The following NECAB1 variants were observed in gnomAD, a reference collection of about 807,000 sequenced individuals.
The protein encoded by NECAB1 is N-terminal EF-hand calcium binding protein 1, also known as N-terminal EF-hand calcium-binding protein 1.
A neutral mutation model predicts 57.5 loss-of-function variants in NECAB1; 29 were observed. That is an observed-to-expected ratio of 0.50 (90% CI 0.38 to 0.69). The LOEUF (loss-of-function observed/expected upper bound fraction) is 0.69, where lower values mean the gene tolerates loss of function less well. Among genes scored for constraint, NECAB1 ranks in the 30% least tolerant of loss-of-function variants. The pLI is 0.00. For synonymous variants in NECAB1, 142 were observed against 147.7 expected, an observed-to-expected ratio of 0.96 and a Z score of 0.28; for missense variants, 372 against 413.8, an observed-to-expected ratio of 0.90 and a Z score of 0.88.
At chr8:90,842,624 T>C (rs1812473449) in intron 3 of NECAB1, among the ~76,000 whole-genome samples, 1 of 152,224 alleles carries the variant, frequency 6.6e-6, no homozygotes, top group African/African-American at 2.4e-5. Flanking sequence ...TGGCCTGCCA[T>C]TGTGCACCAT....
At chr8:90,820,191 T>TGACTTCAGTTGTCCAATGAATCG in intron 2 of NECAB1, among the ~76,000 whole-genome samples, 1 of 152,086 alleles carries the variant, frequency 6.6e-6, no homozygotes, top group Non-Finnish European at 1.5e-5. Flanking sequence ...CAGTTTACCC[T>TGACTTCAGTTGTCCAATGAATCG]GACTTCAGTT....
At chr8:90,908,416 C>G (rs1455948206) in intron 5 of NECAB1, among the ~76,000 whole-genome samples, 1 of 152,004 alleles carries the variant, frequency 6.6e-6, no homozygotes, top group Non-Finnish European at 1.5e-5. Context: ...ACATTTGGTT[C>G]TACGTTACAC....
intron 9 of NECAB1, among the ~76,000 whole-genome samples, chr8:90,936,871 C>T (rs117746593): frequency 0.013 from 2,050 of 151,910 alleles, 18 homozygotes; most frequent in South Asian, 0.042. Flanking sequence ...TGGAAAGGAT[C>T]GTTATACACA....
At chr8:90,950,079 A>G (rs952961649) in intron 11 of NECAB1, among the ~76,000 whole-genome samples, 195 bp downstream of exon 11, 1 of 152,202 alleles carries the variant, frequency 6.6e-6, no homozygotes, top group Non-Finnish European at 1.5e-5. Context: ...CTCTTGAAGT[A>G]CAAATACTTT....
At chr8:90,853,120 G>A (rs534503361) in intron 3 of NECAB1, among the ~76,000 whole-genome samples, 2 of 152,242 alleles carry the variant, frequency 1.3e-5, no homozygotes, top group Non-Finnish European at 2.9e-5. Context: ...GCTTCTGCTG[G>A]TGCGCAAAGC....
At chr8:90,840,762 C>A (rs1407560619) in intron 3 of NECAB1, among the ~76,000 whole-genome samples, 1 of 152,074 alleles carries the variant, frequency 6.6e-6, no homozygotes, top group Non-Finnish European at 1.5e-5. Flanking sequence ...TCATTGCCGG[C>A]TCTTGGGTTC....
intron 4 of NECAB1, 147 bp from the exon 5 acceptor site, chr8:90,880,886 A>G (rs780372840): frequency 5.1e-6 from 3 of 587,112 alleles, no homozygotes; most frequent in African/African-American, 1.9e-5. Flanking sequence ...TTGTCACCTT[A>G]TTTAGTCTTA....
chr8:90,934,053 G>A (rs1810472852), intron 8 of NECAB1, among the ~76,000 whole-genome samples: 1 of 151,868 alleles, frequency 6.6e-6, no homozygotes, highest in Non-Finnish European at 1.5e-5. Flanking sequence ...GCTCTCTAAT[G>A]GCATTCAAGA....
chr8:90,949,198 CAGAG>C (rs1810876418), intron 10 of NECAB1, among the ~76,000 whole-genome samples: 2 of 67,106 alleles, frequency 3.0e-5, no homozygotes, highest in African/African-American at 1.2e-4. Flanking sequence ...GTGTGTGTGT[CAGAG>C]GGAGAGAGAG....
At position 90,928,238 on chromosome 8, in the gene NECAB1, A is replaced by G. The variant is rs1810325277; in HGVS notation, c.632A>G (p.Asp211Gly). Reference sequence around the variant, plus strand: ...CTGGCCCCAGGCTTATTAGAAGAAGACAACCAGTGGATGACCCAGATAAAT... The same window carrying G: ...CTGGCCCCAGGCTTATTAGAAGAAGGCAACCAGTGGATGACCCAGATAAAT... ...NVSGPGLLEE[D>G]NQWMTQINRL... The change falls in exon 8 of 13, where the codon GAC becomes GGC. Residue 211 changes from aspartate (D) to glycine (G), a missense_variant. Transcript: ENST00000417640. 1.2e-6 allele frequency: 2 copies of G among 1,609,452 alleles called. No homozygotes were observed. The highest frequency in any genetic ancestry group is 1.7e-6 in the Non-Finnish European group (2 of 1,177,698).
At chr8:90,817,991 C>T (rs1812085451) in intron 2 of NECAB1, among the ~76,000 whole-genome samples, 1 of 151,760 alleles carries the variant, frequency 6.6e-6, no homozygotes, top group Non-Finnish European at 1.5e-5. Flanking sequence ...ATATATCAAT[C>T]TACGGAGATT....
At chr8:90,950,574 G>A (rs916246777) in intron 11 of NECAB1, among the ~76,000 whole-genome samples, 4 of 152,104 alleles carry the variant, frequency 2.6e-5, no homozygotes, top group Non-Finnish European at 5.9e-5. Context: ...TATGGTGATG[G>A]AAGTAATAGA....
intron 5 of NECAB1, among the ~76,000 whole-genome samples, chr8:90,886,524 CTCTTT>C (rs997919061): frequency 2.6e-5 from 4 of 151,930 alleles, no homozygotes; most frequent in African/African-American, 7.3e-5. Context: ...TTCTCTCTCT[CTCTTT>C]TGTTTTTGTT....
intron 3 of NECAB1, 85 bp downstream of exon 3, chr8:90,824,910 A>C (rs1812198483): frequency 3.0e-6 from 2 of 670,836 alleles, no homozygotes; most frequent in Middle Eastern, 5.0e-4. Flanking sequence ...GAAAGGGAAG[A>C]ACAATATAGA....
intron 9 of NECAB1, among the ~76,000 whole-genome samples, chr8:90,935,025 T>C (rs572246460): frequency 9.2e-5 from 14 of 152,298 alleles, no homozygotes; most frequent in Admixed American, 8.5e-4. Context: ...TTTCAGGAAG[T>C]TGGATGTTTA....
chr8:90,837,587 A>C (rs1250747827), intron 3 of NECAB1, among the ~76,000 whole-genome samples: 1 of 152,254 alleles, frequency 6.6e-6, no homozygotes, highest in Non-Finnish European at 1.5e-5. Context: ...AGAAGGGAAA[A>C]TTACTGTAAT....
At chr8:90,920,047 A>G (rs937359069) in intron 6 of NECAB1, among the ~76,000 whole-genome samples, 1 of 152,176 alleles carries the variant, frequency 6.6e-6, no homozygotes, top group Non-Finnish European at 1.5e-5. Context: ...GGAGCATGAC[A>G]ATATAGACTT....
intron 7 of NECAB1, 36 bp from the exon 8 acceptor site, chr8:90,928,187 T>C: frequency 6.7e-7 from 1 of 1,486,258 alleles, no homozygotes; most frequent in South Asian, 1.2e-5. Flanking sequence ...TGTCTAAAGT[T>C]TAACATATTG....
intron 3 of NECAB1, among the ~76,000 whole-genome samples, chr8:90,851,261 G>A (rs1454014432): frequency 6.6e-6 from 1 of 152,166 alleles, no homozygotes; most frequent in Non-Finnish European, 1.5e-5. Flanking sequence ...ACCAGTAATA[G>A]TAAGTAAAGT....
Sources: gnomAD v4.1 joint callset for allele counts (sites outside exome capture counted in the v4.1 genomes callset) on GRCh38, gnomAD v4.1.1 for gene constraint, MANE v1.5 for transcripts, NCBI Gene and HGNC (gene_info 2026-07-23, HGNC 2026-07-21) for gene names.